Variants in ITPRIPL1 observed in about 807,000 individuals in gnomAD.
The protein encoded by ITPRIPL1 is inositol 1,4,5-trisphosphate receptor-interacting protein-like 1.
ITPRIPL1 carries 28 observed loss-of-function variants against 40.0 expected under a neutral mutation model. The observed-to-expected ratio is 0.70, with a 90% CI of 0.52 to 0.96. The LOEUF is 0.96. ITPRIPL1 is among the 40% of genes least tolerant of loss of function. The pLI, the probability that ITPRIPL1 is intolerant of heterozygous loss-of-function variation, is 0.00. For synonymous variants in ITPRIPL1, 251 were observed against 275.7 expected (o/e 0.91, Z 0.89); for missense variants, 638 against 698.0 (o/e 0.91, Z 0.97).
rs1294933461 is a variant in ITPRIPL1, at chr2:96,327,317, T to C, written c.686T>C (p.Leu229Pro). 1.9e-6 allele frequency: 3 copies of C among 1,614,132 alleles called. No homozygotes were observed. Among genetic ancestry groups the C allele is most frequent in the Non-Finnish European group, 2.5e-6 (3 of 1,180,024 alleles). ...GCTGCCTTTGAGAAATGGGGAACCC[T>C]CCATGAGACCCAGAAATTTGATATC... ...IGAAFEKWGT[L>P]HETQKFDILV... Residue 229 changes from leucine to proline, a missense_variant, in exon 3 of 3, where the codon CTC becomes CCC. By Grantham distance (98) the Leu-to-Pro change is moderately conservative. Coordinates refer to ENST00000439118, the MANE Select transcript of ITPRIPL1 (RefSeq NM_001008949.3).
rs1271175691 is a variant in ITPRIPL1 at position 96,327,405 on chromosome 2, G to T, written c.774G>T (p.Leu258=). ...MFVLEMRDPA[L]GRRCGCVLVE... ...TCCTGGAGATGAGGGACCCAGCCCT[G>T]GGCCGCCGCTGTGGCTGTGTGCTGG... Residue 258 remains leucine (L), a synonymous_variant, in exon 3 of 3, where the codon CTG becomes CTT. Coordinates refer to ENST00000439118, the MANE Select transcript of ITPRIPL1 (RefSeq NM_001008949.3). 3.7e-6 allele frequency: 6 copies of T among 1,613,834 alleles called. No individual in the cohort carries two copies. The Admixed American group carries it at 1.0e-4, about 27-fold the overall frequency.
chr2:96,330,197 T>C (rs1037242257), downstream of ITPRIPL1: 1 of 133,922 alleles, frequency 7.5e-6, no homozygotes, highest in African/African-American at 2.9e-5. Context: ...TGAGCTATGA[T>C]AGTGTCACTG....
downstream of ITPRIPL1, chr2:96,328,470 G>T: frequency 1.6e-6 from 1 of 633,264 alleles, no homozygotes; most frequent in Non-Finnish European, 2.7e-6. Context: ...TGGGCATAAT[G>T]ACCCTGCAGG....
downstream of ITPRIPL1, chr2:96,328,410 T>A: frequency 9.0e-7 from 1 of 1,111,846 alleles, no homozygotes; most frequent in Non-Finnish European, 1.3e-6. Context: ...ACCTTGCCAG[T>A]GGGGGCTATG....
intron 2 of ITPRIPL1, chr2:96,326,278 A>G: frequency 1.4e-6 from 2 of 1,444,386 alleles, no homozygotes; most frequent in South Asian, 2.4e-5. Context: ...AGCAGGTCAT[A>G]TCTGGTGCCC....
At chr2:96,330,303 A>ATCATTGGG (rs2064151300), downstream of ITPRIPL1, 2 of 150,662 alleles carry the variant, frequency 1.3e-5, no homozygotes, top group African/African-American at 4.9e-5. Flanking sequence ...ATGCCAGTCA[A>ATCATTGGG]TCATTGGGGC....
At position 96,325,765 on chromosome 2, in the gene ITPRIPL1, G is replaced by A; in HGVS notation, c.-75G>A. 6.7e-7 allele frequency: 1 copy of A among 1,492,982 alleles called. No individual in the cohort carries two copies. Among genetic ancestry groups the A allele is most frequent in the Non-Finnish European group, 9.3e-7 (1 of 1,069,722 alleles). The allele number at this position is 1,492,982 out of a possible 1,614,324, so 92.5% of individuals were successfully genotyped here. A position where few individuals can be genotyped will look rare whatever the true frequency, so the allele number is the denominator to read the frequency against. On this transcript the variant is annotated 5_prime_UTR_variant, in exon 2 of 3. Transcript: ENST00000439118. ...TTAACAGGGCTCCTAGAGAGGGCGG[G>A]GAGACGAAGCAAGGCCAAGTTCCAA...
At chr2:96,325,725 G>A in intron 1 of ITPRIPL1, 22 bp from the exon 2 acceptor site, 6 of 1,082,744 alleles carry the variant, frequency 5.5e-6, no homozygotes, top group Admixed American at 5.4e-5. Context: ...AAAGCCCCCA[G>A]GTACCTTGTA....
Position 96,326,721 on chromosome 2 carries a change from TG to T in ITPRIPL1, c.91del (p.Asp31IlefsTer8). ...TTGTTCACCACCCTCTGATGGTCAG[TG>T]ATCGGATGGACCTGGACACATTAGC... is the stretch of plus-strand genomic sequence containing the variant. ...YVVHHPLMVS[D>X]RMDLDTLARS... On this transcript the variant is annotated frameshift_variant, in exon 3 of 3. Coordinates refer to ENST00000439118, the MANE Select transcript of ITPRIPL1 (RefSeq NM_001008949.3). LOFTEE classifies it high-confidence loss of function. 11 of 1,614,214 alleles carry T rather than the reference TG, an allele frequency of 6.8e-6. No individual in the cohort carries two copies. The highest frequency in any genetic ancestry group is 8.5e-6 in the Non-Finnish European group (10 of 1,180,026).
intron 2 of ITPRIPL1, chr2:96,326,428 G>T: frequency 6.5e-7 from 1 of 1,549,766 alleles, no homozygotes; most frequent in Non-Finnish European, 8.7e-7. Context: ...AAGCAGGAGA[G>T]AGACTGAGTG....
chr2:96,326,484 A>G, intron 2 of ITPRIPL1, 158 bp from the exon 3 acceptor site: 1 of 1,545,272 alleles, frequency 6.5e-7, no homozygotes, highest in Non-Finnish European at 8.7e-7. Context: ...TCCCAGGCCG[A>G]CCACCCTTGC....
rs1200644168 is a variant in ITPRIPL1, at chr2:96,327,186, C to A, written c.555C>A (p.Cys185Ter). 6.2e-7 allele frequency: 1 copy of A among 1,614,062 alleles called. No individual in the cohort carries two copies. The highest frequency in any genetic ancestry group is 8.5e-7 in the Non-Finnish European group (1 of 1,180,052). The change falls in exon 3 of 3, where the codon TGC becomes TGA. Residue 185 changes from cysteine (C) to a stop codon, truncating the protein, a stop_gained. Transcript: ENST00000439118. LOFTEE classifies it high-confidence loss of function. ...YVQNAIRDLP[C>*]TCEFVESFVD... ...AAAATGCCATCCGTGACCTGCCCTG[C>A]ACCTGTGAGTTTGTGGAGAGTTTTG...
Position 96,326,693 on chromosome 2 carries a change from A to G in ITPRIPL1, c.62A>G (p.Tyr21Cys), listed in dbSNP as rs772552455. The stretch of plus-strand genomic sequence containing the variant: ...AGCCTGCTGTTCTTGGCAGTGATGT[A>G]TGTTGTTCACCACCCTCTGATGGTC... ...VISLLFLAVM[Y>C]VVHHPLMVSD... Residue 21 changes from tyrosine to cysteine, a missense_variant, in exon 3 of 3, where the codon TAT becomes TGT. By Grantham distance (194) the Tyr-to-Cys change is radical (BLOSUM62 -2). Coordinates refer to ENST00000439118, the MANE Select transcript of ITPRIPL1 (RefSeq NM_001008949.3). The G allele has an allele frequency of 6.2e-6, 10 of 1,614,092 alleles. No homozygotes were observed. In the African/African-American group the frequency reaches 1.1e-4, roughly 17 times the overall value.
Position 96,327,532 on chromosome 2 carries a change from A to G in ITPRIPL1, c.901A>G (p.Ser301Gly), listed in dbSNP as rs2064123990. 1 of 1,613,800 alleles carries G rather than the reference A, an allele frequency of 6.2e-7. No individual in the cohort carries two copies. The highest frequency in any genetic ancestry group is 8.5e-7 in the Non-Finnish European group (1 of 1,179,964). The change falls in exon 3 of 3, where the codon AGC becomes GGC. Residue 301 changes from serine (S) to glycine (G), a missense_variant. Ser to Gly is a moderately conservative substitution (Grantham distance 56). Transcript: ENST00000439118. ...CTCGGCAGTCTTGGGGAAGTGTAGT[A>G]GCTCCATCAAGGCAGCTCTCTGCAC... ...DPSAVLGKCS[S>G]SIKAALCTGF...
At position 96,326,753 on chromosome 2, in the gene ITPRIPL1, G is replaced by C. The variant is rs1346112120; in HGVS notation, c.122G>C (p.Ser41Thr). ...ATGGACCTGGACACATTAGCCAGGA[G>C]TCGGCAGCTGGAGAAGCGAATGAGT... ...DRMDLDTLAR[S>T]RQLEKRMSEE... The change falls in exon 3 of 3, where the codon AGT becomes ACT. Residue 41 changes from serine to threonine, a missense_variant. By Grantham distance (58) the Ser-to-Thr change is moderately conservative. Coordinates refer to ENST00000439118, the MANE Select transcript of ITPRIPL1 (RefSeq NM_001008949.3). 6 of 1,614,254 alleles carry C rather than the reference G, an allele frequency of 3.7e-6. No individual in the cohort carries two copies. Among genetic ancestry groups the C allele is most frequent in the Non-Finnish European group, 5.1e-6 (6 of 1,180,046 alleles).
chr2:96,326,442 C>A, intron 2 of ITPRIPL1, 200 bp from the exon 3 acceptor site: 1 of 1,549,030 alleles, frequency 6.5e-7, no homozygotes, highest in Middle Eastern at 2.3e-4. Context: ...CTGAGTGGCA[C>A]ATCCTTTCGC....
At chr2:96,326,400 C>A in intron 2 of ITPRIPL1, 1 of 1,535,098 alleles carries the variant, frequency 6.5e-7, no homozygotes, top group Non-Finnish European at 8.7e-7. Context: ...TAAATACCAC[C>A]CACACCATGT....
In ITPRIPL1 at chr2:96,327,472, G is replaced by A. The variant is rs758465413; in HGVS notation, c.841G>A (p.Asp281Asn). The A allele has an allele frequency of 3.1e-6, 5 of 1,613,960 alleles. No homozygotes were observed. The African/African-American group carries it at 6.7e-5, about 22-fold the overall frequency. Reference sequence around the variant, plus strand: ...GTGCAAGCGTGAGAAACTCCTAGGGGACGTGCTGTGCCTGGTGCACCACCA... The same window carrying A: ...GTGCAAGCGTGAGAAACTCCTAGGGAACGTGCTGTGCCTGGTGCACCACCA... ...CVCKREKLLG[D>N]VLCLVHHHRD... Residue 281 changes from aspartate (D) to asparagine (N), a missense_variant, in exon 3 of 3, where the codon GAC becomes AAC. Coordinates refer to ENST00000439118, the MANE Select transcript of ITPRIPL1 (RefSeq NM_001008949.3).
Position 96,327,983 on chromosome 2 carries a change from C to T in ITPRIPL1, c.1352C>T (p.Thr451Ile). Residue 451 changes from threonine to isoleucine, a missense_variant, in exon 3 of 3, where the codon ACA becomes ATA. By Grantham distance (89) the Thr-to-Ile change is moderately conservative. Transcript: ENST00000439118. ...RPILTSYHFK[T>I]ALMHLLLRLP... The stretch of plus-strand genomic sequence containing the variant: ...ATCCTCACTTCTTACCATTTTAAAA[C>T]AGCTCTCATGCACCTCTTGCTACGG... 1 of 1,614,186 alleles carries T rather than the reference C, an allele frequency of 6.2e-7. No homozygotes were observed. The highest frequency in any genetic ancestry group is 8.5e-7 in the Non-Finnish European group (1 of 1,180,026).
Sources: allele counts gnomAD v4.1 joint callset, GRCh38; gene constraint gnomAD v4.1.1; transcripts MANE v1.5; gene names NCBI Gene and HGNC (gene_info 2026-07-23, HGNC 2026-07-21).